The following CPM variants were observed in gnomAD, a reference collection of about 807,000 sequenced individuals.
CPM encodes the protein carboxypeptidase M.
Under a neutral mutation model 46.4 loss-of-function variants are expected in CPM, and 35 were observed. That is an observed-to-expected ratio of 0.75 (90% CI 0.58 to 1.00). CPM has a LOEUF of 1.00. Ranked by LOEUF, CPM falls within the 50% of genes least tolerant of loss-of-function variation. The probability of loss-of-function intolerance (pLI) is 0.00; values close to 1 mark genes in which losing one functional copy is unlikely to be tolerated. For missense variants in CPM, 422 were observed against 530.4 expected (o/e 0.80, Z 2.01); for synonymous variants, 195 against 195.3 (o/e 1.00, Z 0.01).
upstream of CPM, among the ~76,000 whole-genome samples, chr12:68,934,048 G>A (rs891361512): frequency 2.0e-5 from 3 of 151,970 alleles, no homozygotes; most frequent in Admixed American, 2.0e-4. Flanking sequence ...TTTGTGGCAC[G>A]GGCCAACCCC....
At chr12:68,843,763 G>C (rs562220494) in intron 5 of CPM, 1 of 223,530 alleles carries the variant, frequency 4.5e-6, no homozygotes, top group South Asian at 1.8e-4. Context: ...TACCTGTGGA[G>C]GTCCTCCAAG....
intron 7 of CPM, 90 bp from the exon 8 acceptor site, chr12:68,859,161 T>C (rs954593381): frequency 1.5e-6 from 1 of 673,720 alleles, no homozygotes; most frequent in Non-Finnish European, 2.1e-6. Context: ...ATATGCAATA[T>C]TTATTAGCTA....
intron 2 of CPM, among the ~76,000 whole-genome samples, chr12:68,886,864 C>T (rs1886456428): frequency 6.6e-6 from 1 of 152,198 alleles, no homozygotes; most frequent in African/African-American, 2.4e-5. Flanking sequence ...CAAAAGCTCA[C>T]TGAGGATTTG....
At chr12:68,935,274 GTTTT>G (rs1888656195), upstream of CPM, among the ~76,000 whole-genome samples, 1 of 128,074 alleles carries the variant, frequency 7.8e-6, no homozygotes. Context: ...TTGTTTGTTT[GTTTT>G]GAGATACAGT....
intron 1 of CPM, among the ~76,000 whole-genome samples, chr12:68,947,655 T>A (rs1236793755): frequency 2.0e-5 from 3 of 151,202 alleles, no homozygotes; most frequent in African/African-American, 7.3e-5. Flanking sequence ...TTTATTATTA[T>A]TTTTTTTGAG....
chr12:68,875,100 A>T (rs12579427), intron 3 of CPM, among the ~76,000 whole-genome samples: 1 of 151,898 alleles, frequency 6.6e-6, no homozygotes, highest in African/African-American at 2.4e-5. Context: ...CCTGTAATCC[A>T]AGCACTTTGG....
At position 68,866,946 on chromosome 12, in the gene CPM, C is replaced by T; in HGVS notation, c.890G>A (p.Trp297Ter). 6.2e-7 allele frequency: 1 copy of T among 1,614,094 alleles called. No individual in the cohort carries two copies. The highest frequency in any genetic ancestry group is 8.5e-7 in the Non-Finnish European group (1 of 1,180,002). ...AATTAATGAGGCTTTGTTATTATTCCAAAAGGATGGAAGCTTCTCCTCACG... is the reference window on the plus strand; with the variant it reads ...AATTAATGAGGCTTTGTTATTATTCTAAAAGGATGGAAGCTTCTCCTCACG... ...YPREEKLPSF[W>*]NNNKASLIEY... is the part of the protein sequence containing the mutation. The change falls in exon 7 of 9, where the codon TGG (tryptophan) becomes TAG (stop). Residue 297 changes from tryptophan (W) to a stop codon, truncating the protein, a stop_gained. Coordinates refer to ENST00000551568, the MANE Select transcript of CPM (RefSeq NM_198320.5). LOFTEE classifies it high-confidence loss of function.
rs182501419 is a variant in CPM, at chr12:68,897,042, A to G, written c.161-11153T>C. On this transcript the variant is annotated intron_variant, in intron 2 of 8. Coordinates refer to ENST00000551568, the MANE Select transcript of CPM (RefSeq NM_198320.5). ...CTCATTAATCACTAACCATCAACAA[A>G]AAACAGGAAGACGGTAGGAAATTCC... is the stretch of plus-strand genomic sequence containing the variant. 6.6e-5 allele frequency among the ~76,000 whole-genome samples: 10 copies of G among 152,268 alleles called. No homozygotes were observed. In the East Asian group the frequency reaches 1.9e-3, roughly 29 times the overall value.
At chr12:68,941,148 T>C (rs1888753220) in intron 1 of CPM, among the ~76,000 whole-genome samples, 1 of 150,466 alleles carries the variant, frequency 6.6e-6, no homozygotes, top group Non-Finnish European at 1.5e-5. Flanking sequence ...GCTACAGAAG[T>C]AATTTGAAGA....
rs1328298267 is a variant in CPM at position 68,913,862 on chromosome 12, A to G, written c.160+18816T>C. On this transcript the variant is annotated intron_variant, in intron 2 of 8. Coordinates refer to ENST00000551568, the MANE Select transcript of CPM (RefSeq NM_198320.5). ...AACAACTCCCATGAGGATGCGGGGAATTACATCAAGAGCCAGTTCCTTGAC... is the reference window on the plus strand; with the variant it reads ...AACAACTCCCATGAGGATGCGGGGAGTTACATCAAGAGCCAGTTCCTTGAC... 7.6e-6 allele frequency: 5 copies of G among 660,716 alleles called. No individual in the cohort carries two copies. The East Asian group carries it at 1.5e-4, about 20-fold the overall frequency. The allele number at this position is 660,716 out of a possible 1,614,324, so 40.9% of individuals were successfully genotyped here.
chr12:68,858,938 C>G lies in CPM; in HGVS notation c.1074G>C (p.Gly358=). ...YGEYYLLLLP[G]SYIINVTVPG... ...GCATACTTACATTTATTATATAAGA[C>G]CCAGGCAAGAGAAGGAGATAATACT... is the stretch of plus-strand genomic sequence containing the variant. Residue 358 remains glycine, a synonymous_variant, in exon 8 of 9, where the codon GGG becomes GGC. Coordinates refer to ENST00000551568, the MANE Select transcript of CPM (RefSeq NM_198320.5). The G allele has an allele frequency of 6.7e-7, 1 of 1,497,724 alleles. No homozygotes were observed. Among genetic ancestry groups the G allele is most frequent in the Admixed American group, 2.2e-5 (1 of 45,450 alleles). 92.8% of individuals were successfully genotyped at this position (1,497,724 alleles called of 1,614,324 possible).
At position 68,913,997 on chromosome 12, in the gene CPM, A is replaced by C. The variant is rs1240343065; in HGVS notation, c.160+18681T>G. Reference sequence around the variant, plus strand: ...GCAGCTACACAGATATTATTATCAAAGAAAACCTCAAGGACTGCGGCCTCT... The same window carrying C: ...GCAGCTACACAGATATTATTATCAACGAAAACCTCAAGGACTGCGGCCTCT... On this transcript the variant is annotated intron_variant, in intron 2 of 8. Coordinates refer to ENST00000551568, the MANE Select transcript of CPM (RefSeq NM_198320.5). 1.5e-5 allele frequency: 11 copies of C among 719,670 alleles called. No individual in the cohort carries two copies. In the East Asian group the frequency reaches 2.8e-4, roughly 18 times the overall value. The allele number at this position is 719,670 out of a possible 1,614,324, so 44.6% of individuals were successfully genotyped here. A position where few individuals can be genotyped will look rare whatever the true frequency, so the allele number is the denominator to read the frequency against.
chr12:68,846,757 A>G (rs998427612), downstream of CPM: 3 of 151,770 alleles, frequency 2.0e-5, no homozygotes, highest in Admixed American at 1.3e-4. Context: ...TTTTGCTTAA[A>G]CAAAGTTCAT....
intron 7 of CPM, among the ~76,000 whole-genome samples, chr12:68,860,286 T>C (rs1480791618): frequency 6.6e-6 from 1 of 152,206 alleles, no homozygotes; most frequent in Non-Finnish European, 1.5e-5. Flanking sequence ...ACTTCGTGTG[T>C]TCCTCTTTGC....
intron 1 of CPM, among the ~76,000 whole-genome samples, chr12:68,947,403 C>A (rs1209490770): frequency 6.6e-6 from 1 of 152,032 alleles, no homozygotes; most frequent in African/African-American, 2.4e-5. Context: ...TCAAGACCAG[C>A]CTGGCCAACA....
rs1296336058 is a variant in CPM, at chr12:68,856,665, T to C, written c.1104A>G (p.Gly368=). 2 of 1,614,042 alleles carry C rather than the reference T, an allele frequency of 1.2e-6. No individual in the cohort carries two copies. Among genetic ancestry groups the C allele is most frequent in the South Asian group, 1.1e-5 (1 of 91,078 alleles). ...TCACCTTTGTGATGTGTGGATCATG[T>C]CCAGGGACTGTAACCTGAGAAGAAA... The part of the protein sequence containing the change: ...GSYIINVTVP[G]HDPHITKVII... The change falls in exon 9 of 9, where the codon GGA becomes GGG. Residue 368 remains glycine (G), a synonymous_variant. Transcript: ENST00000551568.
chr12:68,956,226 G>A (rs998168932), intron 1 of CPM, among the ~76,000 whole-genome samples: 13 of 152,184 alleles, frequency 8.5e-5, no homozygotes, highest in South Asian at 2.1e-4. Context: ...CTCCAAAATC[G>A]GAGCAGGTGC....
At chr12:68,851,023 T>G (rs1383118970), downstream of CPM, among the ~76,000 whole-genome samples, 1 of 152,112 alleles carries the variant, frequency 6.6e-6, no homozygotes, top group South Asian at 2.1e-4. Flanking sequence ...ATCTGGACTT[T>G]GAAGAGTTGT....
chr12:68,870,034 A>G (rs1454319316), intron 5 of CPM, among the ~76,000 whole-genome samples, 181 bp downstream of exon 5: 1 of 152,202 alleles, frequency 6.6e-6, no homozygotes, highest in Non-Finnish European at 1.5e-5. Flanking sequence ...CAGTTCAGCC[A>G]CACTGCCCAT....
Sources: gnomAD v4.1 joint callset for allele counts (sites outside exome capture counted in the v4.1 genomes callset) on GRCh38, gnomAD v4.1.1 for gene constraint, MANE v1.5 for transcripts, NCBI Gene and HGNC (gene_info 2026-07-23, HGNC 2026-07-21) for gene names.